ASTN2: variants seen among roughly 807,000 people sequenced by gnomAD.
ASTN2 encodes the protein astrotactin 2, also known as astrotactin-2.
A neutral mutation model predicts 139.8 loss-of-function variants in ASTN2; 54 were observed. The observed-to-expected ratio is 0.39, with a 90% confidence interval of 0.31 to 0.48. The LOEUF (loss-of-function observed/expected upper bound fraction) is 0.48, where lower values mean the gene tolerates loss of function less well. Ranked by LOEUF, ASTN2 falls within the 20% of genes least tolerant of loss-of-function variation. The pLI, the probability that ASTN2 is intolerant of heterozygous loss-of-function variation, is 0.95. For missense variants in ASTN2, 1,565 were observed against 1,725.1 expected, an observed-to-expected ratio of 0.91 and a Z score of 1.64; for synonymous variants, 756 against 719.5, an observed-to-expected ratio of 1.05 and a Z score of -0.81.
chr9:117,337,848 G>A (rs1229545563), intron 1 of ASTN2, among the ~76,000 whole-genome samples: 1 of 152,098 alleles, frequency 6.6e-6, no homozygotes. Context: ...ATGGGGGTGG[G>A]AGGCCAAGGT....
chr9:116,912,881 G>A (rs891672681), intron 10 of ASTN2, among the ~76,000 whole-genome samples: 1 of 152,096 alleles, frequency 6.6e-6, no homozygotes, highest in Admixed American at 6.5e-5. Context: ...CTTCCTTGCT[G>A]TGAGATCTCA....
chr9:116,545,663 T>C (rs985094704), intron 19 of ASTN2: 1 of 141,290 alleles, frequency 7.1e-6, no homozygotes, highest in Non-Finnish European at 1.5e-5. Flanking sequence ...AATGTTTTCA[T>C]GACCAATTTT....
intron 16 of ASTN2, among the ~76,000 whole-genome samples, chr9:116,675,866 G>A (rs927178892): frequency 1.3e-5 from 2 of 152,166 alleles, no homozygotes; most frequent in Non-Finnish European, 2.9e-5. Context: ...TTCCCACCTG[G>A]AGTGGATCAA....
intron 13 of ASTN2, among the ~76,000 whole-genome samples, chr9:116,801,354 G>C (rs1286720331): frequency 6.6e-6 from 1 of 151,886 alleles, no homozygotes; most frequent in Non-Finnish European, 1.5e-5. Flanking sequence ...AGGCCAAGGG[G>C]GGTGGATCGC....
rs1587979148 is a variant in ASTN2, at chr9:116,547,588, C to A, written c.3356-60088G>T. ...CATCTTTCCAATCCTACTTCCTTATCTGTGAAGTGGGCAAACCAATCATTT... is the reference window on the plus strand; with the variant it reads ...CATCTTTCCAATCCTACTTCCTTATATGTGAAGTGGGCAAACCAATCATTT... On this transcript the variant is annotated intron_variant, in intron 19 of 22. Coordinates refer to ENST00000313400, the MANE Select transcript of ASTN2 (RefSeq NM_001365068.1). 2.6e-5 allele frequency: 4 copies of A among 152,334 alleles called. No homozygotes were observed. The South Asian group carries it at 8.3e-4, about 32-fold the overall frequency. The allele number at this position is 152,334 out of a possible 1,614,324, so 9.4% of individuals were successfully genotyped here.
chr9:116,442,690 C>T lies in ASTN2; in HGVS notation c.3498-137G>A. ...TAAAAAAAGAATGATACTTATAAAG[C>T]ATTTATTGAGCACTAACTGCCTACT... is the stretch of plus-strand genomic sequence containing the variant. On this transcript the variant is annotated intron_variant, in intron 20 of 22. Transcript: ENST00000313400. 3 of 715,830 alleles carry T rather than the reference C, an allele frequency of 4.2e-6. No individual in the cohort carries two copies. The South Asian group carries it at 4.9e-5, about 12-fold the overall frequency. The allele number at this position is 715,830 out of a possible 1,614,324, so 44.3% of individuals were successfully genotyped here. A position where few individuals can be genotyped will look rare whatever the true frequency, so the allele number is the denominator to read the frequency against.
chr9:117,203,454 A>G (rs1376794170), intron 3 of ASTN2, among the ~76,000 whole-genome samples: 3 of 151,898 alleles, frequency 2.0e-5, no homozygotes, highest in Admixed American at 6.6e-5. Flanking sequence ...TTCATTGATT[A>G]TTTCTCATCT....
chr9:116,687,518 G>GA, intron 16 of ASTN2: 1 of 146,440 alleles, frequency 6.8e-6, no homozygotes, highest in East Asian at 2.1e-4. Flanking sequence ...CGGATCTGGG[G>GA]GGGGCAGGAC....
chr9:116,955,402 A>G (rs1049678852), intron 10 of ASTN2, among the ~76,000 whole-genome samples: 3 of 152,218 alleles, frequency 2.0e-5, no homozygotes, highest in African/African-American at 7.2e-5. Flanking sequence ...TGAATTTGAG[A>G]GCAGAAATAG....
chr9:116,576,347 T>C (rs1853721666), intron 19 of ASTN2, among the ~76,000 whole-genome samples: 1 of 152,194 alleles, frequency 6.6e-6, no homozygotes, highest in Non-Finnish European at 1.5e-5. Context: ...GGCTCAGGGA[T>C]ATTGAGTTAT....
Position 116,609,324 on chromosome 9 carries a change from C to CTATATATATA in ASTN2, c.3355+8999_3355+9000insTATATATATA, listed in dbSNP as rs368559373. On this transcript the variant is annotated intron_variant, in intron 19 of 22. Transcript: ENST00000313400. ...TCTCTCTCTCTCTCTCTCTCTCTCTCTCTCTATATATATATACACACACAC... is the reference window on the plus strand; with the variant it reads ...TCTCTCTCTCTCTCTCTCTCTCTCTCTATATATATATCTCTATATATATATACACACACAC... 4.0e-3 allele frequency among the ~76,000 whole-genome samples: 444 copies of CTATATATATA among 111,420 alleles called. 6 individuals are homozygous for CTATATATATA. Among genetic ancestry groups the CTATATATATA allele is most frequent in the African/African-American group, 0.014 (425 of 30,746 alleles). The allele number at this position is 111,420 out of a possible 152,430, so 73.1% of individuals were successfully genotyped here.
At chr9:116,455,295 G>A (rs1253095583) in intron 20 of ASTN2, among the ~76,000 whole-genome samples, 1 of 150,430 alleles carries the variant, frequency 6.6e-6, no homozygotes, top group Non-Finnish European at 1.5e-5. Flanking sequence ...GTTGCAGTGA[G>A]CTGAGATTGT....
intron 10 of ASTN2, among the ~76,000 whole-genome samples, chr9:116,898,110 G>C (rs1238121466): frequency 2.0e-5 from 3 of 152,126 alleles, no homozygotes; most frequent in Non-Finnish European, 4.4e-5. Context: ...ACACGATAAT[G>C]TGGAAGGAGT....
intron 10 of ASTN2, among the ~76,000 whole-genome samples, chr9:116,961,424 T>C (rs1384104088): frequency 6.6e-6 from 1 of 152,204 alleles, no homozygotes. Context: ...TCTGTTTCTA[T>C]GATTTTGGCT....
intron 2 of ASTN2, among the ~76,000 whole-genome samples, chr9:117,231,880 T>C (rs1257775397): frequency 1.3e-5 from 2 of 152,178 alleles, no homozygotes; most frequent in African/African-American, 4.8e-5. Flanking sequence ...TTCTTCCTTG[T>C]TCTCTGTCCC....
At chr9:117,348,015 A>T (rs1006134367) in intron 1 of ASTN2, among the ~76,000 whole-genome samples, 2 of 152,232 alleles carry the variant, frequency 1.3e-5, no homozygotes, top group African/African-American at 4.8e-5. Flanking sequence ...TAAGAAGATT[A>T]CACTTAACTT....
At chr9:116,515,275 G>A (rs780278365) in intron 19 of ASTN2, among the ~76,000 whole-genome samples, 2 of 152,166 alleles carry the variant, frequency 1.3e-5, no homozygotes, top group Non-Finnish European at 2.9e-5. Flanking sequence ...TTAGGAAATG[G>A]CAAAAACTAA....
At chr9:116,992,126 C>A (rs1339635238) in intron 7 of ASTN2, among the ~76,000 whole-genome samples, 1 of 152,174 alleles carries the variant, frequency 6.6e-6, no homozygotes, top group East Asian at 1.9e-4. Context: ...AGGATGGGGG[C>A]TTACATCCCA....
chr9:117,007,684 C>T (rs1164216617), intron 7 of ASTN2, among the ~76,000 whole-genome samples: 2 of 152,130 alleles, frequency 1.3e-5, no homozygotes, highest in Non-Finnish European at 2.9e-5. Flanking sequence ...GTGAGATTTC[C>T]ACACAGCTTC....
Sources: allele counts gnomAD v4.1 joint callset (sites outside exome capture counted in the v4.1 genomes callset), GRCh38; gene constraint gnomAD v4.1.1; transcripts MANE v1.5; gene names NCBI Gene and HGNC (gene_info 2026-07-23, HGNC 2026-07-21).